WWTR1: variants seen among roughly 807,000 people sequenced by gnomAD.
WWTR1 encodes WW domain-containing transcription regulator protein 1.
Under a neutral mutation model 40.1 loss-of-function variants are expected in WWTR1, and 13 were observed. That is an observed-to-expected ratio of 0.32 (90% CI 0.21 to 0.52). WWTR1 has a LOEUF of 0.52. WWTR1 is among the 20% of genes least tolerant of loss of function. WWTR1 has a pLI of 0.97. For synonymous variants in WWTR1, 230 were observed against 210.1 expected (o/e 1.09, Z -0.82); for missense variants, 436 against 523.1 (o/e 0.83, Z 1.63).
At chr3:149,613,095 T>C (rs1739810128) in intron 2 of WWTR1, among the ~76,000 whole-genome samples, 1 of 152,192 alleles carries the variant, frequency 6.6e-6, no homozygotes, top group African/African-American at 2.4e-5. Context: ...TTTTATACTT[T>C]CAGGATCATA....
chr3:149,604,349 T>C (rs946105757), intron 2 of WWTR1, among the ~76,000 whole-genome samples: 1 of 152,182 alleles, frequency 6.6e-6, no homozygotes. Context: ...CACAGGACTT[T>C]AAGGGCACAT....
At chr3:149,553,816 A>G (rs1003786263) in intron 3 of WWTR1, among the ~76,000 whole-genome samples, 1 of 152,142 alleles carries the variant, frequency 6.6e-6, no homozygotes, top group Non-Finnish European at 1.5e-5. Context: ...GGCTTAACTC[A>G]TGTGAACTGG....
chr3:149,606,419 G>T (rs1287993728), intron 2 of WWTR1, among the ~76,000 whole-genome samples: 1 of 152,062 alleles, frequency 6.6e-6, no homozygotes, highest in East Asian at 1.9e-4. Context: ...AGAAATCCCA[G>T]CATTTCCTCA....
intron 2 of WWTR1, among the ~76,000 whole-genome samples, chr3:149,579,796 AATGTAC>A (rs1738058295): frequency 6.6e-6 from 1 of 152,230 alleles, no homozygotes. Context: ...TGTTAAAACA[AATGTAC>A]ATACTGAAGA....
intron 2 of WWTR1, among the ~76,000 whole-genome samples, chr3:149,615,481 C>T (rs1465483389): frequency 1.3e-5 from 2 of 152,064 alleles, no homozygotes; most frequent in East Asian, 1.9e-4. Context: ...ATGGTAGGTA[C>T]GTGGGAAATT....
At chr3:149,669,689 C>T (rs3811717) in intron 2 of WWTR1, 91,786 of 151,878 alleles carry the variant, frequency 0.6, 27,890 homozygotes, top group East Asian at 0.68. Context: ...TTACAGCAAA[C>T]TGGCCAACAA....
chr3:149,557,885 C>T (rs1472535909), intron 3 of WWTR1, among the ~76,000 whole-genome samples: 1 of 151,252 alleles, frequency 6.6e-6, no homozygotes, highest in Non-Finnish European at 1.5e-5. Flanking sequence ...TGCCTGTAGT[C>T]TCTGCTACTG....
At chr3:149,648,555 G>T (rs1414194025) in intron 2 of WWTR1, among the ~76,000 whole-genome samples, 8 of 152,202 alleles carry the variant, frequency 5.3e-5, no homozygotes, top group Non-Finnish European at 1.2e-4. Context: ...TTGGGGAAAA[G>T]TTCCTGCAGG....
intron 1 of WWTR1, 41 bp from the exon 2 acceptor site, chr3:149,657,350 G>A (rs1713307934): frequency 6.4e-7 from 1 of 1,560,784 alleles, no homozygotes; most frequent in Admixed American, 1.9e-5. Context: ...TTTAAAGTCG[G>A]AGGAAGTGGG....
intron 2 of WWTR1, chr3:149,576,113 A>C (rs1441809177): frequency 2.2e-6 from 1 of 456,716 alleles, no homozygotes; most frequent in Non-Finnish European, 4.4e-6. Context: ...AACTCTGAGA[A>C]GAAAGCCCAA....
chr3:149,645,543 A>G (rs1156679128), intron 2 of WWTR1, among the ~76,000 whole-genome samples: 2 of 152,236 alleles, frequency 1.3e-5, no homozygotes, highest in Admixed American at 6.5e-5. Context: ...TTATAACAAA[A>G]GCCAGCTTTT....
At chr3:149,585,039 G>C (rs1738347098) in intron 2 of WWTR1, among the ~76,000 whole-genome samples, 2 of 151,852 alleles carry the variant, frequency 1.3e-5, no homozygotes, top group Admixed American at 1.3e-4. Context: ...ACACCTTATA[G>C]TACAATGAAC....
At chr3:149,686,422 G>A (rs569339101) in intron 1 of WWTR1, among the ~76,000 whole-genome samples, 1 of 152,170 alleles carries the variant, frequency 6.6e-6, no homozygotes, top group Non-Finnish European at 1.5e-5. Flanking sequence ...AGGAGGCTGA[G>A]GCTGGAGGAT....
chr3:149,610,293 G>C (rs911754352), intron 2 of WWTR1, among the ~76,000 whole-genome samples: 1 of 152,264 alleles, frequency 6.6e-6, no homozygotes. Context: ...ATGTAATGAT[G>C]TTTTTGTTTG....
intron 3 of WWTR1, among the ~76,000 whole-genome samples, chr3:149,563,493 A>G (rs1185569134): frequency 6.6e-6 from 1 of 152,226 alleles, no homozygotes; most frequent in Non-Finnish European, 1.5e-5. Flanking sequence ...ATTTGGGGTC[A>G]AGATGCTCTG....
upstream of WWTR1, among the ~76,000 whole-genome samples, chr3:149,662,324 A>G (rs931772827): frequency 1.3e-5 from 2 of 152,156 alleles, no homozygotes; most frequent in South Asian, 4.1e-4. Context: ...TGACTATCTC[A>G]TAAAGAAACT....
chr3:149,566,831 A>G (rs943124131), intron 3 of WWTR1, among the ~76,000 whole-genome samples: 28 of 151,246 alleles, frequency 1.9e-4, no homozygotes, highest in Admixed American at 5.3e-4. Flanking sequence ...AAAAAAACAC[A>G]CATGTGTTTA....
chr3:149,536,428 TAC>T (rs1336942690), intron 4 of WWTR1, among the ~76,000 whole-genome samples: 1 of 151,440 alleles, frequency 6.6e-6, no homozygotes, highest in East Asian at 2.0e-4. Flanking sequence ...TCTGCTCCAA[TAC>T]GACACTCTCC....
chr3:149,636,044 A>C (rs1450093070), intron 2 of WWTR1, among the ~76,000 whole-genome samples: 1 of 152,168 alleles, frequency 6.6e-6, no homozygotes, highest in East Asian at 1.9e-4. Context: ...TTCAAGTCAA[A>C]ATTTTAAATG....
Sources: gnomAD v4.1 joint callset for allele counts (sites outside exome capture counted in the v4.1 genomes callset) on GRCh38, gnomAD v4.1.1 for gene constraint, MANE v1.5 for transcripts, NCBI Gene and HGNC (gene_info 2026-07-23, HGNC 2026-07-21) for gene names.